LRRC8D: variants seen among roughly 807,000 people sequenced by gnomAD.
LRRC8D encodes the protein leucine rich repeat containing 8 VRAC subunit D.
Under a neutral mutation model 55.8 loss-of-function variants are expected in LRRC8D, and 20 were observed. That is an observed-to-expected ratio of 0.36 (90% confidence interval 0.25 to 0.52). The LOEUF is 0.52. Ranked by LOEUF, LRRC8D falls within the 20% of genes least tolerant of loss-of-function variation. The probability of loss-of-function intolerance (pLI) is 0.93; values close to 1 mark genes in which losing one functional copy is unlikely to be tolerated. For missense variants in LRRC8D, 651 were observed against 1,030.8 expected (o/e 0.63, Z 5.05); for synonymous variants, 352 against 377.0 (o/e 0.93, Z 0.77).
At chr1:89,853,587 A>G (rs915539041) in intron 2 of LRRC8D, among the ~76,000 whole-genome samples, 1 of 152,150 alleles carries the variant, frequency 6.6e-6, no homozygotes, top group Non-Finnish European at 1.5e-5. Flanking sequence ...TCTCCTGTGA[A>G]ATAATTATGT....
At chr1:89,863,369 G>A (rs1186586041) in intron 2 of LRRC8D, among the ~76,000 whole-genome samples, 1 of 152,184 alleles carries the variant, frequency 6.6e-6, no homozygotes, top group Admixed American at 6.5e-5. Context: ...TGTAGATCAC[G>A]CAGTACACAA....
chr1:89,904,562 G>GTTATT (rs1662944799), intron 2 of LRRC8D, among the ~76,000 whole-genome samples: 1 of 152,196 alleles, frequency 6.6e-6, no homozygotes, highest in Non-Finnish European at 1.5e-5. Flanking sequence ...TCTGCTCCAG[G>GTTATT]TTATTTCCTT....
At chr1:89,866,492 C>T (rs572244891) in intron 2 of LRRC8D, among the ~76,000 whole-genome samples, 1 of 152,266 alleles carries the variant, frequency 6.6e-6, no homozygotes, top group Non-Finnish European at 1.5e-5. Flanking sequence ...TTTTAGAGAT[C>T]CTTAGACCCC....
At chr1:89,922,758 A>T (rs1247801707) in intron 2 of LRRC8D, among the ~76,000 whole-genome samples, 1 of 152,262 alleles carries the variant, frequency 6.6e-6, no homozygotes, top group African/African-American at 2.4e-5. Context: ...GAATAGTTAC[A>T]ATAGGCTACA....
chr1:89,849,397 C>T (rs1364025029), intron 2 of LRRC8D, among the ~76,000 whole-genome samples: 1 of 151,948 alleles, frequency 6.6e-6, no homozygotes, highest in Admixed American at 6.6e-5. Flanking sequence ...ATTGCTGGAT[C>T]ATAGGATATA....
At chr1:89,906,346 C>G (rs535515232) in intron 2 of LRRC8D, among the ~76,000 whole-genome samples, 36 of 152,272 alleles carry the variant, frequency 2.4e-4, no homozygotes, top group Non-Finnish European at 4.7e-4. Flanking sequence ...AACAGAAGCT[C>G]GAGCATCGCT....
At chr1:89,828,465 TG>T (rs1442738857) in intron 1 of LRRC8D, among the ~76,000 whole-genome samples, 1 of 152,004 alleles carries the variant, frequency 6.6e-6, no homozygotes, top group Non-Finnish European at 1.5e-5. Flanking sequence ...TTTTTTGTTT[TG>T]TTTTTGTTTT....
rs1043061705 is a variant in LRRC8D, at chr1:89,927,075, C to G, written c.-2-5992C>G. Among the ~76,000 whole-genome samples the G allele has an allele frequency of 3.9e-5, 6 of 152,336 alleles. No individual in the cohort carries two copies. In the South Asian group the frequency reaches 1.2e-3, roughly 32 times the overall value. The stretch of plus-strand genomic sequence containing the variant: ...TGTTCCTACCTCTGCACCTTCTTTT[C>G]TATGGCAGAATCAGTCCTTTGTACT... On this transcript the variant is annotated intron_variant, in intron 2 of 2. Transcript: ENST00000337338.
chr1:89,866,504 G>GT (rs1661853076), intron 2 of LRRC8D, among the ~76,000 whole-genome samples: 1 of 152,220 alleles, frequency 6.6e-6, no homozygotes, highest in Admixed American at 6.5e-5. Flanking sequence ...TTAGACCCCT[G>GT]TTTGAGAACA....
intron 2 of LRRC8D, among the ~76,000 whole-genome samples, chr1:89,867,471 A>G (rs948761145): frequency 2.6e-5 from 4 of 152,214 alleles, no homozygotes; most frequent in African/African-American, 7.2e-5. Flanking sequence ...TTTTCATCTT[A>G]CAAAACTGAA....
chr1:89,828,393 C>T (rs1467769186), intron 1 of LRRC8D, among the ~76,000 whole-genome samples: 3 of 152,212 alleles, frequency 2.0e-5, no homozygotes, highest in African/African-American at 7.2e-5. Flanking sequence ...AGAGTGAAGA[C>T]AATGCAACAA....
intron 2 of LRRC8D, chr1:89,846,512 T>G (rs1661284824): frequency 6.6e-6 from 1 of 152,204 alleles, no homozygotes; most frequent in Non-Finnish European, 1.5e-5. Context: ...GTGGTTCTTT[T>G]GTAGTCTGGA....
At position 89,829,604 on chromosome 1, in the gene LRRC8D, A is replaced by G. The variant is rs184463358; in HGVS notation, c.-148+8313A>G. ...TACCTAGTAGTATTTCTGTTACATG[A>G]AAAAGAGAATCAGGTTTTGAGGTGT... On this transcript the variant is annotated intron_variant, in intron 1 of 2. Coordinates refer to ENST00000337338, the MANE Select transcript of LRRC8D (RefSeq NM_001134479.2). 4.6e-5 allele frequency among the ~76,000 whole-genome samples: 7 copies of G among 152,284 alleles called. No individual in the cohort carries two copies. The East Asian group carries it at 1.3e-3, about 29-fold the overall frequency.
chr1:89,930,673 T>C (rs1663684368), intron 2 of LRRC8D, among the ~76,000 whole-genome samples: 1 of 152,082 alleles, frequency 6.6e-6, no homozygotes, highest in South Asian at 2.1e-4. Context: ...GGTATGACTG[T>C]TACGTTCCTT....
intron 2 of LRRC8D, among the ~76,000 whole-genome samples, chr1:89,908,513 T>A (rs1482703661): frequency 1.3e-5 from 2 of 152,214 alleles, no homozygotes; most frequent in Non-Finnish European, 2.9e-5. Context: ...CTGTTGCATC[T>A]TCTGTTGTGT....
At chr1:89,922,488 G>A (rs1055402712) in intron 2 of LRRC8D, among the ~76,000 whole-genome samples, 2 of 152,170 alleles carry the variant, frequency 1.3e-5, no homozygotes, top group African/African-American at 2.4e-5. Context: ...AAAATTCAAC[G>A]AATTGGTCTA....
chr1:89,906,885 G>A (rs1663008234), intron 2 of LRRC8D, among the ~76,000 whole-genome samples: 1 of 151,926 alleles, frequency 6.6e-6, no homozygotes, highest in Admixed American at 6.6e-5. Flanking sequence ...TTTCCTGTTC[G>A]TTGCATTCCA....
chr1:89,841,466 CAT>C (rs1557444868), intron 1 of LRRC8D, among the ~76,000 whole-genome samples: 12 of 149,498 alleles, frequency 8.0e-5, no homozygotes. Flanking sequence ...TCAGGAGCCT[CAT>C]AGCAGCATGC....
intron 2 of LRRC8D, among the ~76,000 whole-genome samples, chr1:89,906,503 T>C (rs898985362): frequency 3.4e-4 from 51 of 152,214 alleles, no homozygotes; most frequent in African/African-American, 1.2e-3. Context: ...CAACTTCTGT[T>C]CCCTTTCTAA....
Sources: gnomAD v4.1 joint callset for allele counts (sites outside exome capture counted in the v4.1 genomes callset) on GRCh38, gnomAD v4.1.1 for gene constraint, MANE v1.5 for transcripts, NCBI Gene and HGNC (gene_info 2026-07-23, HGNC 2026-07-21) for gene names.